Variants in CDKAL1 observed in about 807,000 individuals in gnomAD.
The protein encoded by CDKAL1 is CDKAL1 threonylcarbamoyladenosine tRNA methylthiotransferase.
A neutral mutation model predicts 68.2 loss-of-function variants in CDKAL1; 32 were observed. That is an observed-to-expected ratio of 0.47 (90% CI 0.35 to 0.63). The LOEUF is 0.63. CDKAL1 is among the 30% of genes least tolerant of loss of function. The probability of loss-of-function intolerance (pLI) is 0.00; values close to 1 mark genes in which losing one functional copy is unlikely to be tolerated. For missense variants in CDKAL1, 606 were observed against 696.7 expected, an observed-to-expected ratio of 0.87 and a Z score of 1.47; for synonymous variants, 234 against 244.3, an observed-to-expected ratio of 0.96 and a Z score of 0.39.
At chr6:20,767,583 TCTGA>T (rs1411748223) in intron 7 of CDKAL1, among the ~76,000 whole-genome samples, 1 of 152,150 alleles carries the variant, frequency 6.6e-6, no homozygotes, top group Non-Finnish European at 1.5e-5. Flanking sequence ...GAAATTTAAA[TCTGA>T]CTTTCTCTTT....
At chr6:20,689,897 G>A (rs1400785826) in intron 5 of CDKAL1, among the ~76,000 whole-genome samples, 2 of 152,146 alleles carry the variant, frequency 1.3e-5, no homozygotes, top group African/African-American at 4.8e-5. Flanking sequence ...AAGGCTTATG[G>A]TGGTCTTAGT....
chr6:20,892,809 C>T (rs1183104672), intron 9 of CDKAL1, among the ~76,000 whole-genome samples: 2 of 152,118 alleles, frequency 1.3e-5, no homozygotes, highest in Non-Finnish European at 2.9e-5. Flanking sequence ...ATAAGCCAAC[C>T]TTTTTGGAAG....
At chr6:20,700,360 A>C (rs933993351) in intron 5 of CDKAL1, among the ~76,000 whole-genome samples, 6 of 150,624 alleles carry the variant, frequency 4.0e-5, no homozygotes, top group Non-Finnish European at 7.4e-5. Context: ...CATCTCAAAA[A>C]AAAAAAAAAA....
intron 4 of CDKAL1, among the ~76,000 whole-genome samples, chr6:20,645,018 A>G (rs1419111716): frequency 6.6e-6 from 1 of 152,208 alleles, no homozygotes; most frequent in Non-Finnish European, 1.5e-5. Flanking sequence ...ATATTGCCGT[A>G]TTGAATACCG....
At chr6:20,544,397 A>G (rs1284993357) in intron 2 of CDKAL1, among the ~76,000 whole-genome samples, 1 of 151,588 alleles carries the variant, frequency 6.6e-6, no homozygotes, top group Non-Finnish European at 1.5e-5. Flanking sequence ...GGAGATCGAG[A>G]CCATCCTGGC....
At chr6:20,955,716 C>G in intron 10 of CDKAL1, 131 bp downstream of exon 10, 1 of 685,618 alleles carries the variant, frequency 1.5e-6, no homozygotes, top group Non-Finnish European at 2.3e-6. Context: ...CCCGCATTTC[C>G]AAGAATGAAT....
chr6:20,536,233 C>G (rs935685560), intron 2 of CDKAL1, among the ~76,000 whole-genome samples: 1 of 152,016 alleles, frequency 6.6e-6, no homozygotes, highest in Non-Finnish European at 1.5e-5. Context: ...TGCACCTGGC[C>G]CATTTCTGTA....
intron 4 of CDKAL1, among the ~76,000 whole-genome samples, chr6:20,585,422 A>G (rs1561943716): frequency 6.6e-6 from 1 of 151,854 alleles, no homozygotes; most frequent in African/African-American, 2.4e-5. Flanking sequence ...CTCTCCAACT[A>G]TTCCATTTTT....
intron 6 of CDKAL1, among the ~76,000 whole-genome samples, chr6:20,741,673 T>C (rs1322682884): frequency 1.3e-5 from 2 of 152,176 alleles, no homozygotes; most frequent in Non-Finnish European, 2.9e-5. Flanking sequence ...GGCTGCATAG[T>C]ATTCCATAGT....
intron 2 of CDKAL1, among the ~76,000 whole-genome samples, chr6:20,541,866 G>T (rs1454944850): frequency 3.9e-5 from 6 of 152,222 alleles, no homozygotes; most frequent in African/African-American, 1.4e-4. Flanking sequence ...CTCTATGTTG[G>T]TCAGGCTGGT....
intron 11 of CDKAL1, among the ~76,000 whole-genome samples, chr6:21,001,686 G>A (rs1271641617): frequency 6.6e-6 from 1 of 152,170 alleles, no homozygotes; most frequent in Non-Finnish European, 1.5e-5. Context: ...ATTTGTTTAA[G>A]TATCTGCTGT....
chr6:20,671,689 A>G (rs1299679246), intron 5 of CDKAL1, among the ~76,000 whole-genome samples: 1 of 152,022 alleles, frequency 6.6e-6, no homozygotes, highest in Admixed American at 6.6e-5. Context: ...AGCTCTTTTT[A>G]TCTCTAGAAA....
chr6:20,553,329 C>G (rs1763905461), intron 4 of CDKAL1, among the ~76,000 whole-genome samples: 1 of 151,816 alleles, frequency 6.6e-6, no homozygotes, highest in African/African-American at 2.4e-5. Flanking sequence ...GCCAATGTGG[C>G]AAAACCCCGT....
chr6:21,046,338 G>A (rs1010374052), intron 11 of CDKAL1, among the ~76,000 whole-genome samples: 16 of 152,184 alleles, frequency 1.1e-4, no homozygotes, highest in Non-Finnish European at 2.2e-4. Context: ...TTGGCATAGG[G>A]TCAGCTACCA....
chr6:20,858,912 T>A (rs1261535068), intron 9 of CDKAL1, among the ~76,000 whole-genome samples: 2 of 152,206 alleles, frequency 1.3e-5, no homozygotes, highest in East Asian at 3.8e-4. Flanking sequence ...ACAAAGAGTA[T>A]ATTAAACATT....
intron 4 of CDKAL1, among the ~76,000 whole-genome samples, chr6:20,568,100 G>A (rs1200034524): frequency 3.9e-5 from 6 of 151,924 alleles, no homozygotes; most frequent in Admixed American, 3.9e-4. Context: ...GATGGTCTCC[G>A]TCTCCTGACC....
chr6:20,756,884 CTT>C (rs1774216875), intron 6 of CDKAL1: 28 of 87,404 alleles, frequency 3.2e-4, no homozygotes, highest in African/African-American at 1.0e-3. Context: ...TCCTTCCTTC[CTT>C]CCTTCCTTCC....
At chr6:21,218,241 T>C (rs537703204) in intron 15 of CDKAL1, among the ~76,000 whole-genome samples, 2 of 152,236 alleles carry the variant, frequency 1.3e-5, no homozygotes, top group Admixed American at 6.5e-5. Flanking sequence ...GAAAACTTTA[T>C]TGAAAGTCTG....
At chr6:20,733,573 C>T (rs1237951705) in intron 5 of CDKAL1, among the ~76,000 whole-genome samples, 5 of 152,284 alleles carry the variant, frequency 3.3e-5, no homozygotes, top group Middle Eastern at 3.4e-3. Context: ...CCCAGGTTTC[C>T]AATCAGGTCC....
Sources: gnomAD v4.1 joint callset for allele counts (sites outside exome capture counted in the v4.1 genomes callset) on GRCh38, gnomAD v4.1.1 for gene constraint, MANE v1.5 for transcripts, NCBI Gene and HGNC (gene_info 2026-07-23, HGNC 2026-07-21) for gene names.